Variants in DYNC1I2 observed in about 807,000 individuals in gnomAD.
DYNC1I2 encodes the protein dynein cytoplasmic 1 intermediate chain 2.
In DYNC1I2, 53 loss-of-function variants were observed where a neutral mutation model predicts 88.6. The ratio of observed to expected loss-of-function variants is 0.60; its 90% CI spans 0.48 to 0.75. The LOEUF is 0.75. DYNC1I2 is among the 30% of genes least tolerant of loss of function. The probability of loss-of-function intolerance (pLI) is 0.00; values close to 1 mark genes in which losing one functional copy is unlikely to be tolerated. For missense variants in DYNC1I2, 458 were observed against 766.6 expected, an observed-to-expected ratio of 0.60 and a Z score of 4.75; for synonymous variants, 198 against 254.6, an observed-to-expected ratio of 0.78 and a Z score of 2.12.
At chr2:171,709,337 A>C (rs764270541) in intron 5 of DYNC1I2, among the ~76,000 whole-genome samples, 32 of 152,190 alleles carry the variant, frequency 2.1e-4, no homozygotes, top group Non-Finnish European at 4.1e-4. Flanking sequence ...CTTTTAGAAT[A>C]TTGTAAATTA....
chr2:171,745,572 TTC>T (rs1444073664), intron 16 of DYNC1I2, among the ~76,000 whole-genome samples: 1 of 152,230 alleles, frequency 6.6e-6, no homozygotes, highest in Admixed American at 6.5e-5. Flanking sequence ...GTGTCTAGTC[TTC>T]TGAGAATTTT....
chr2:171,729,887 G>C, intron 15 of DYNC1I2, 34 bp downstream of exon 15: 1 of 1,610,720 alleles, frequency 6.2e-7, no homozygotes, highest in Non-Finnish European at 8.5e-7. Flanking sequence ...TATTTGCTCA[G>C]GTTTCTGACA....
At chr2:171,731,742 GC>G (rs1471708250) in intron 15 of DYNC1I2, among the ~76,000 whole-genome samples, 1 of 152,132 alleles carries the variant, frequency 6.6e-6, no homozygotes, top group African/African-American at 2.4e-5. Context: ...CGATAGAATA[GC>G]ATCCTGTCCA....
At chr2:171,745,335 C>T (rs1003311694) in intron 16 of DYNC1I2, among the ~76,000 whole-genome samples, 5 of 152,112 alleles carry the variant, frequency 3.3e-5, no homozygotes, top group African/African-American at 1.2e-4. Context: ...CAGTATGAAC[C>T]GTTTCTAGGA....
chr2:171,713,688 G>GT (rs780725514), intron 6 of DYNC1I2, among the ~76,000 whole-genome samples: 2 of 152,022 alleles, frequency 1.3e-5, no homozygotes, highest in Non-Finnish European at 2.9e-5. Flanking sequence ...GACTCAGATA[G>GT]CCCTTTTCCC....
At position 171,747,792 on chromosome 2, in the gene DYNC1I2, G is replaced by A. The variant is rs755715165; in HGVS notation, c.1820G>A (p.Arg607His). Residue 607 changes from arginine to histidine, a missense_variant, in exon 18 of 18, where the codon CGC becomes CAC. Arg to His is a conservative substitution (Grantham distance 29, BLOSUM62 0). Transcript: ENST00000397119. ...TTTTAACAGCAGATTGCTGTTCCCC[G>A]CAATGATGAATGGGCACGGTTTGGC... Reference protein sequence around the residue: ...YDVGEQIAVPRNDEWARFGRT... With the variant: ...YDVGEQIAVPHNDEWARFGRT... The A allele has an allele frequency of 1.2e-5, 19 of 1,609,390 alleles. No individual in the cohort carries two copies. Among genetic ancestry groups the A allele is most frequent in the South Asian group, 6.6e-5 (6 of 90,274 alleles).
intron 17 of DYNC1I2, among the ~76,000 whole-genome samples, chr2:171,747,071 G>A (rs1357523501): frequency 1.3e-5 from 2 of 151,544 alleles, no homozygotes; most frequent in Non-Finnish European, 2.9e-5. Flanking sequence ...GCACATACCT[G>A]TAATCCCAGC....
chr2:171,744,998 A>G (rs1357559522), intron 16 of DYNC1I2, among the ~76,000 whole-genome samples: 2 of 152,226 alleles, frequency 1.3e-5, no homozygotes, highest in African/African-American at 4.8e-5. Flanking sequence ...TGAAGTTACA[A>G]TTAAATGTGG....
rs766643535 is a variant in DYNC1I2 at position 171,750,155 on chromosome 2, A to G, written c.*2266A>G. 3.9e-5 allele frequency among the ~76,000 whole-genome samples: 6 copies of G among 152,202 alleles called. No homozygotes were observed. The South Asian group carries it at 6.2e-4, about 16-fold the overall frequency. ...TAACTTGCAATAAATCTCTGAAATA[A>G]TCATTTTTTGGTATTATTTAAACCA... On this transcript the variant is annotated 3_prime_UTR_variant, in exon 18 of 18. Coordinates refer to ENST00000397119, the MANE Select transcript of DYNC1I2 (RefSeq NM_001378.3).
intron 6 of DYNC1I2, among the ~76,000 whole-genome samples, chr2:171,714,370 A>G (rs193096808): frequency 1.3e-5 from 2 of 152,078 alleles, no homozygotes; most frequent in African/African-American, 4.8e-5. Context: ...ACTGAAAAGA[A>G]TATTTATATA....
chr2:171,727,034 A>G lies in DYNC1I2; in HGVS notation c.996+118A>G, dbSNP rs185725091. On this transcript the variant is annotated intron_variant, in intron 11 of 17. Coordinates refer to ENST00000397119, the MANE Select transcript of DYNC1I2 (RefSeq NM_001378.3). ...GATTTCATTGGATTGGCATTTTACT[A>G]AACCACTCCATATTTGCAAACAGAT... is the stretch of plus-strand genomic sequence containing the variant. 1.9e-5 allele frequency: 21 copies of G among 1,121,976 alleles called. No individual in the cohort carries two copies. The East Asian group carries it at 4.6e-4, about 24-fold the overall frequency. 69.5% of individuals were successfully genotyped at this position (1,121,976 alleles called of 1,614,324 possible). A position where few individuals can be genotyped will look rare whatever the true frequency, so the allele number is the denominator to read the frequency against.
At chr2:171,732,740 C>T (rs1337834694) in intron 15 of DYNC1I2, among the ~76,000 whole-genome samples, 1 of 152,152 alleles carries the variant, frequency 6.6e-6, no homozygotes, top group Non-Finnish European at 1.5e-5. Flanking sequence ...TTCATACAGC[C>T]ATGTAAGTTG....
At chr2:171,737,788 C>T (rs1416325340) in intron 15 of DYNC1I2, among the ~76,000 whole-genome samples, 1 of 150,400 alleles carries the variant, frequency 6.6e-6, no homozygotes, top group African/African-American at 2.5e-5. Flanking sequence ...GCTGCATATT[C>T]GTCCACTGAG....
At chr2:171,718,496 C>T (rs544782498) in intron 7 of DYNC1I2, among the ~76,000 whole-genome samples, 10 of 151,666 alleles carry the variant, frequency 6.6e-5, no homozygotes, top group African/African-American at 1.7e-4. Context: ...TGCAGTGGCA[C>T]GATCTTGGCT....
chr2:171,740,304 A>G (rs938288581), intron 15 of DYNC1I2, among the ~76,000 whole-genome samples: 1 of 152,200 alleles, frequency 6.6e-6, no homozygotes, highest in African/African-American at 2.4e-5. Context: ...ATTCTATAGT[A>G]CGTGATGCAG....
chr2:171,735,575 A>T (rs1688946822), intron 15 of DYNC1I2, among the ~76,000 whole-genome samples: 1 of 152,254 alleles, frequency 6.6e-6, no homozygotes, highest in African/African-American at 2.4e-5. Flanking sequence ...TATAGAAGAC[A>T]AACAGATTAT....
intron 2 of DYNC1I2, among the ~76,000 whole-genome samples, chr2:171,691,597 T>C (rs973199092): frequency 2.0e-5 from 3 of 152,176 alleles, no homozygotes; most frequent in Non-Finnish European, 4.4e-5. Context: ...CTGTGAGACA[T>C]TATAAGAGGA....
chr2:171,718,414 C>A (rs1306168789), intron 7 of DYNC1I2, among the ~76,000 whole-genome samples: 1 of 151,936 alleles, frequency 6.6e-6, no homozygotes, highest in Non-Finnish European at 1.5e-5. Context: ...TATTTTGGTT[C>A]CAATGAATAT....
intron 15 of DYNC1I2, among the ~76,000 whole-genome samples, chr2:171,730,373 T>C (rs1688527046): frequency 6.6e-6 from 1 of 152,220 alleles, no homozygotes; most frequent in South Asian, 2.1e-4. Flanking sequence ...CATGGATGCA[T>C]ATATTTTTTG....
Sources: allele counts gnomAD v4.1 joint callset (sites outside exome capture counted in the v4.1 genomes callset), GRCh38; gene constraint gnomAD v4.1.1; transcripts MANE v1.5; gene names NCBI Gene and HGNC (gene_info 2026-07-23, HGNC 2026-07-21).